The following SUN5 variants were observed in gnomAD, a reference collection of about 807,000 sequenced individuals.
The protein encoded by SUN5 is Sad1 and UNC84 domain containing 5, also known as SUN domain-containing protein 5.
A neutral mutation model predicts 53.7 loss-of-function variants in SUN5; 44 were observed. That is an observed-to-expected ratio of 0.82 (90% CI 0.64 to 1.05). The LOEUF (loss-of-function observed/expected upper bound fraction) is 1.05. SUN5 is among the 50% of genes least tolerant of loss of function. The probability of loss-of-function intolerance (pLI) is 0.00; values close to 1 mark genes in which losing one functional copy is unlikely to be tolerated. For missense variants in SUN5, 433 were observed against 483.8 expected (o/e 0.90, Z 0.98); for synonymous variants, 166 against 179.8 (o/e 0.92, Z 0.62).
intron 7 of SUN5, among the ~76,000 whole-genome samples, 174 bp from the exon 8 acceptor site, chr20:32,995,901 C>G (rs1456086103): frequency 6.6e-6 from 1 of 152,150 alleles, no homozygotes; most frequent in Non-Finnish European, 1.5e-5. Flanking sequence ...ATTACTCATT[C>G]TCTTCTTTCT....
Position 33,002,469 on chromosome 20 carries a change from C to T in SUN5, c.211+118G>A, listed in dbSNP as rs1990075266. The T allele has an allele frequency of 7.4e-6, 7 of 941,374 alleles. No individual in the cohort carries two copies. The Admixed American group carries it at 9.6e-5, about 13-fold the overall frequency. The allele number at this position is 941,374 out of a possible 1,614,324, so 58.3% of individuals were successfully genotyped here. On this transcript the variant is annotated intron_variant, in intron 3 of 12. Coordinates refer to ENST00000356173, the MANE Select transcript of SUN5 (RefSeq NM_080675.4). The stretch of plus-strand genomic sequence containing the variant: ...AACTCCAGAGTTCAACCTGCAGCTC[C>T]CCACCACCCCTGCAGTCCAGGGCAG...
chr20:32,995,781 T>A (rs1989832408), intron 7 of SUN5, 54 bp from the exon 8 acceptor site: 1 of 1,523,336 alleles, frequency 6.6e-7, no homozygotes, highest in Non-Finnish European at 9.1e-7. Flanking sequence ...GCGTTGTTGT[T>A]ACCCTCAGAT....
rs773527004 is a variant in SUN5, at chr20:32,995,599, C to T, written c.534+20G>A. Reference sequence around the variant, plus strand: ...ACAAAGAGAAATTAGATGTTTGGGGCAGAATGGCCAGCGTCTCACCTCATC... The same window carrying T: ...ACAAAGAGAAATTAGATGTTTGGGGTAGAATGGCCAGCGTCTCACCTCATC... On this transcript the variant is annotated intron_variant, in intron 8 of 12. Transcript: ENST00000356173. The T allele has an allele frequency of 3.1e-6, 5 of 1,602,328 alleles. No homozygotes were observed. Among genetic ancestry groups the T allele is most frequent in the Non-Finnish European group, 4.3e-6 (5 of 1,170,096 alleles).
intron 5 of SUN5, chr20:32,999,844 CA>C (rs1444482767): frequency 1.4e-6 from 2 of 1,425,220 alleles, no homozygotes; most frequent in Admixed American, 4.4e-5. Context: ...GCGGAAGTAA[CA>C]ATGTTCATAA....
intron 3 of SUN5, among the ~76,000 whole-genome samples, chr20:33,001,522 C>CTTTCTTTCT: frequency 8.8e-5 from 10 of 113,368 alleles, no homozygotes; most frequent in South Asian, 2.9e-4. Context: ...TTTCTTTCTT[C>CTTTCTTTCT]TTTCTTTCTT....
chr20:32,983,940 C>A lies in SUN5; in HGVS notation c.994G>T (p.Ala332Ser). The A allele has an allele frequency of 6.3e-7, 1 of 1,583,660 alleles. No individual in the cohort carries two copies. Among genetic ancestry groups the A allele is most frequent in the South Asian group, 1.2e-5 (1 of 84,488 alleles). ...ACCTTGACCGCACTGAAAGCCCGGGCCGGCTGGTTCTGGAAGAGAATCAGT... is the reference window on the plus strand; with the variant it reads ...ACCTTGACCGCACTGAAAGCCCGGGACGGCTGGTTCTGGAAGAGAATCAGT... Reference protein sequence around the residue: ...IQMFPLQNQPARAFSAVKVKI... With the variant: ...IQMFPLQNQPSRAFSAVKVKI... The change falls in exon 13 of 13, where the codon GCC becomes TCC. Residue 332 changes from alanine to serine, a missense_variant. Coordinates refer to ENST00000356173, the MANE Select transcript of SUN5 (RefSeq NM_080675.4).
intron 10 of SUN5, among the ~76,000 whole-genome samples, chr20:32,986,267 C>A (rs1047836492): frequency 3.9e-5 from 6 of 152,198 alleles, no homozygotes; most frequent in Admixed American, 2.6e-4. Context: ...TCATCACTAT[C>A]CCCGTTTTGA....
chr20:32,997,512 A>T, intron 6 of SUN5, 126 bp downstream of exon 6: 1 of 924,076 alleles, frequency 1.1e-6, no homozygotes, highest in Non-Finnish European at 1.7e-6. Context: ...TGAGATTTGG[A>T]TCTGGGTCAA....
intron 1 of SUN5, among the ~76,000 whole-genome samples, chr20:33,003,945 T>C (rs1273038371): frequency 6.6e-6 from 1 of 152,184 alleles, no homozygotes; most frequent in East Asian, 1.9e-4. Context: ...GTTTCCTTCT[T>C]TCATACCAGT....
In SUN5 at chr20:32,983,922, C is replaced by A; in HGVS notation, c.1012G>T (p.Val338Phe). The A allele has an allele frequency of 6.3e-7, 1 of 1,592,782 alleles. No homozygotes were observed. ...QNQPARAFSAVKVKISSNWGN... is the reference protein window; with the variant it reads ...QNQPARAFSAFKVKISSNWGN... ...CAGTTGCTTGAGATCTTCACCTTGA[C>A]CGCACTGAAAGCCCGGGCCGGCTGG... is the stretch of plus-strand genomic sequence containing the variant. The change falls in exon 13 of 13, where the codon GTC (valine) becomes TTC (phenylalanine). Residue 338 changes from valine (V) to phenylalanine (F), a missense_variant. Transcript: ENST00000356173.
intron 11 of SUN5, 109 bp downstream of exon 11, chr20:32,985,627 C>T (rs1205396773): frequency 6.5e-6 from 9 of 1,384,332 alleles, no homozygotes; most frequent in Non-Finnish European, 8.9e-6. Flanking sequence ...GCATTCAGCC[C>T]CTCCAGCCTG....
In SUN5 at chr20:33,002,623, C is replaced by T. The variant is rs769177201; in HGVS notation, c.175G>A (p.Ala59Thr). 1.9e-6 allele frequency: 3 copies of T among 1,614,244 alleles called. No individual in the cohort carries two copies. The highest frequency in any genetic ancestry group is 1.1e-5 in the South Asian group (1 of 91,084). The change falls in exon 3 of 13, where the codon GCC becomes ACC. Residue 59 changes from alanine (A) to threonine (T), a missense_variant. Transcript: ENST00000356173. ...ILLPVRNNDQ[A>T]LGLTQCMLGC... Reference sequence around the variant, plus strand: ...AGCATGCACTGAGTCAGGCCTAGGGCTTGGTCATTGTTGCGGACAGGCAAC... The same window carrying T: ...AGCATGCACTGAGTCAGGCCTAGGGTTTGGTCATTGTTGCGGACAGGCAAC...
At chr20:33,001,638 T>TCCC in intron 3 of SUN5, among the ~76,000 whole-genome samples, 1 of 102,752 alleles carries the variant, frequency 9.7e-6, no homozygotes, top group Non-Finnish European at 2.0e-5. Flanking sequence ...TCTTTCTTTC[T>TCCC]TTTCCTCCCT....
chr20:32,992,395 A>G (rs934141829), intron 8 of SUN5, among the ~76,000 whole-genome samples: 1 of 152,182 alleles, frequency 6.6e-6, no homozygotes, highest in Non-Finnish European at 1.5e-5. Context: ...GGGGTAGAGA[A>G]TTGGGTGTTA....
At chr20:32,985,048 G>A (rs1301844460) in intron 12 of SUN5, 51 bp downstream of exon 12, 1 of 1,588,750 alleles carries the variant, frequency 6.3e-7, no homozygotes, top group Non-Finnish European at 8.6e-7. Flanking sequence ...GGTACAGACT[G>A]CACACTGTGC....
chr20:32,992,621 AT>A (rs1180360190), intron 8 of SUN5, among the ~76,000 whole-genome samples: 1 of 152,160 alleles, frequency 6.6e-6, no homozygotes, highest in Admixed American at 6.5e-5. Context: ...AAAATTAGAC[AT>A]TTTTGTTCAT....
At chr20:32,988,803 G>T (rs1989620242) in intron 9 of SUN5, among the ~76,000 whole-genome samples, 1 of 151,996 alleles carries the variant, frequency 6.6e-6, no homozygotes, top group African/African-American at 2.4e-5. Context: ...TGGCCAGGCT[G>T]GTTTTGAACT....
At chr20:32,987,549 C>CT in intron 10 of SUN5, 111 bp downstream of exon 10, 2 of 722,786 alleles carry the variant, frequency 2.8e-6, no homozygotes, top group South Asian at 1.9e-5. Flanking sequence ...AACCCCGCCC[C>CT]TGCCCCCACT....
rs1364915456 is a variant in SUN5, at chr20:33,002,601, A to G, written c.197T>C (p.Met66Thr). 4 of 1,614,106 alleles carry G rather than the reference A, an allele frequency of 2.5e-6. No individual in the cohort carries two copies. The African/African-American group carries it at 4.0e-5, about 16-fold the overall frequency. ...NDQALGLTQC[M>T]LGCVSWFTCF... ...TATATACGTACACACACATCCCAGC[A>G]TGCACTGAGTCAGGCCTAGGGCTTG... Residue 66 changes from methionine (M) to threonine (T), a missense_variant, in exon 3 of 13, where the codon ATG becomes ACG. Coordinates refer to ENST00000356173, the MANE Select transcript of SUN5 (RefSeq NM_080675.4).
Sources: allele counts gnomAD v4.1 joint callset (sites outside exome capture counted in the v4.1 genomes callset), GRCh38; gene constraint gnomAD v4.1.1; transcripts MANE v1.5; gene names NCBI Gene and HGNC (gene_info 2026-07-23, HGNC 2026-07-21).